SCCPDH: variants seen among roughly 807,000 people sequenced by gnomAD.
The protein encoded by SCCPDH is saccharopine dehydrogenase-like oxidoreductase.
SCCPDH carries 34 observed loss-of-function variants against 51.5 expected under a neutral mutation model. The observed-to-expected ratio is 0.66, with a 90% confidence interval of 0.50 to 0.88. The LOEUF (loss-of-function observed/expected upper bound fraction) is 0.88, where lower values mean the gene tolerates loss of function less well. Ranked by LOEUF, SCCPDH falls within the 40% of genes least tolerant of loss-of-function variation. The probability of loss-of-function intolerance (pLI) is 0.00; values close to 1 mark genes in which losing one functional copy is unlikely to be tolerated. For synonymous variants in SCCPDH, 187 were observed against 191.3 expected (o/e 0.98, Z 0.19); for missense variants, 464 against 527.1 (o/e 0.88, Z 1.17).
intron 2 of SCCPDH, among the ~76,000 whole-genome samples, chr1:246,729,986 C>T (rs912623503): frequency 2.6e-5 from 4 of 152,098 alleles, no homozygotes; most frequent in Non-Finnish European, 5.9e-5. Flanking sequence ...TCAAATTTCT[C>T]CTCTTTACTG....
chr1:246,760,158 T>C lies in SCCPDH; in HGVS notation c.934-13T>C, dbSNP rs1373997768. The C allele has an allele frequency of 6.3e-7, 1 of 1,599,772 alleles. No individual in the cohort carries two copies. Among genetic ancestry groups the C allele is most frequent in the Non-Finnish European group, 8.5e-7 (1 of 1,176,388 alleles). ...TTAAAAAAATATCACTGACGGTTTTTTTTTCCCTTTAGTTCCCATGGTTCT... is the reference window on the plus strand; with the variant it reads ...TTAAAAAAATATCACTGACGGTTTTCTTTTCCCTTTAGTTCCCATGGTTCT... On this transcript the variant is annotated splice_polypyrimidine_tract_variant and intron_variant, in intron 8 of 11. Transcript: ENST00000366510.
In SCCPDH at chr1:246,733,766, A is replaced by G. The variant is rs1274167828; in HGVS notation, c.304-2209A>G. Among the ~76,000 whole-genome samples the G allele has an allele frequency of 2.0e-5, 3 of 152,326 alleles. No individual in the cohort carries two copies. In the East Asian group the frequency reaches 5.8e-4, roughly 29 times the overall value. ...ACAAATAATATACTGTTTGTATATG[A>G]TGTTTTATAAGTAAGTGAGAAAATC... On this transcript the variant is annotated intron_variant, in intron 2 of 11. Transcript: ENST00000366510.
At chr1:246,750,201 A>G (rs370210504) in intron 5 of SCCPDH, among the ~76,000 whole-genome samples, 1 of 152,148 alleles carries the variant, frequency 6.6e-6, no homozygotes, top group East Asian at 1.9e-4. Flanking sequence ...TTTGACAAGG[A>G]CACGGTCCTC....
chr1:246,757,251 G>A (rs1668944583), intron 5 of SCCPDH, among the ~76,000 whole-genome samples: 1 of 149,912 alleles, frequency 6.7e-6, no homozygotes, highest in Non-Finnish European at 1.5e-5. Flanking sequence ...GGTTGAGACA[G>A]GAGAATTGCT....
At chr1:246,746,289 A>G (rs1023685834) in intron 5 of SCCPDH, among the ~76,000 whole-genome samples, 22 of 152,044 alleles carry the variant, frequency 1.4e-4, no homozygotes, top group Non-Finnish European at 2.2e-4. Flanking sequence ...GGGGGTACAT[A>G]ACTGGGGGCT....
chr1:246,753,168 T>C (rs947034652), intron 5 of SCCPDH, among the ~76,000 whole-genome samples: 1 of 152,100 alleles, frequency 6.6e-6, no homozygotes, highest in Non-Finnish European at 1.5e-5. Context: ...TCATCCTCTT[T>C]ATGTTGCCTG....
At chr1:246,739,088 A>C (rs1447638701) in intron 3 of SCCPDH, among the ~76,000 whole-genome samples, 1 of 151,818 alleles carries the variant, frequency 6.6e-6, no homozygotes, top group Non-Finnish European at 1.5e-5. Flanking sequence ...TATGTGCATG[A>C]ATGGGTGTGT....
intron 10 of SCCPDH, 129 bp downstream of exon 10, chr1:246,764,486 T>C (rs1249625911): frequency 2.0e-6 from 1 of 501,354 alleles, no homozygotes; most frequent in African/African-American, 2.0e-5. Flanking sequence ...ATTAAGTAAC[T>C]TAAAATTATT....
intron 2 of SCCPDH, among the ~76,000 whole-genome samples, chr1:246,728,054 G>A (rs538894478): frequency 2.0e-3 from 290 of 144,978 alleles, no homozygotes; most frequent in African/African-American, 7.0e-3. Context: ...GTGCTGAGAA[G>A]TAGTTAGGTC....
At chr1:246,751,971 C>T (rs941588369) in intron 5 of SCCPDH, among the ~76,000 whole-genome samples, 2 of 149,750 alleles carry the variant, frequency 1.3e-5, no homozygotes, top group African/African-American at 4.9e-5. Context: ...TTAGTAGAGA[C>T]GGGCTTTCAC....
intron 3 of SCCPDH, 27 bp from the exon 4 acceptor site, chr1:246,740,141 CTAAT>C: frequency 6.6e-7 from 1 of 1,523,388 alleles, no homozygotes. Flanking sequence ...TTCTGCATAA[CTAAT>C]TAAAATTCTT....
At position 246,759,028 on chromosome 1, in the gene SCCPDH, T is replaced by C; in HGVS notation, c.696-6T>C. The C allele has an allele frequency of 6.7e-7, 1 of 1,481,482 alleles. No individual in the cohort carries two copies. 91.8% of individuals were successfully genotyped at this position (1,481,482 alleles called of 1,614,324 possible). ...AATGCAAAATATTCATAGGTCTGTCTTGCAGGTGGCCAATTTCTTATTGTC... is the reference window on the plus strand; with the variant it reads ...AATGCAAAATATTCATAGGTCTGTCCTGCAGGTGGCCAATTTCTTATTGTC... On this transcript the variant is annotated splice_polypyrimidine_tract_variant and splice_region_variant and intron_variant, in intron 6 of 11. Transcript: ENST00000366510.
At chr1:246,766,649 C>T (rs992853465) in intron 11 of SCCPDH, among the ~76,000 whole-genome samples, 2 of 152,174 alleles carry the variant, frequency 1.3e-5, no homozygotes, top group Non-Finnish European at 2.9e-5. Flanking sequence ...GAGAAGTAAA[C>T]CAGGCATGAC....
Position 246,767,292 on chromosome 1 carries a change from G to A in SCCPDH, c.1282G>A (p.Glu428Lys). 1 of 1,589,378 alleles carries A rather than the reference G, an allele frequency of 6.3e-7. No individual in the cohort carries two copies. Residue 428 changes from glutamate (E) to lysine (K), a missense_variant, in exon 12 of 12, where the codon GAA (glutamate) becomes AAA (lysine). By Grantham distance (56) the Glu-to-Lys change is moderately conservative. Coordinates refer to ENST00000366510, the MANE Select transcript of SCCPDH (RefSeq NM_016002.3). ...GIEFSVISSS[E>K]V Reference sequence around the variant, plus strand: ...TGAGTTTAGTGTTATTAGCAGCTCTGAAGTCTAAACACTGGAAGAATTAAC... The same window carrying A: ...TGAGTTTAGTGTTATTAGCAGCTCTAAAGTCTAAACACTGGAAGAATTAAC...
rs145093309 is a variant in SCCPDH, at chr1:246,760,214, C to T, written c.977C>T (p.Pro326Leu). ...FSFGYFSKQG[P>L]TQKQIDAASF... is the part of the protein sequence containing the mutation. ...TTTGGCTATTTTTCAAAACAAGGCC[C>T]AACACAAAAACAGGTAATTTCTTTT... The change falls in exon 9 of 12, where the codon CCA becomes CTA. Residue 326 changes from proline to leucine, a missense_variant. Physicochemically the swap from Pro to Leu is moderately conservative, Grantham distance 98 (BLOSUM62 -3). Transcript: ENST00000366510. 1 of 1,608,206 alleles carries T rather than the reference C, an allele frequency of 6.2e-7. No homozygotes were observed. Among genetic ancestry groups the T allele is most frequent in the African/African-American group, 1.3e-5 (1 of 74,548 alleles).
chr1:246,747,413 C>A (rs747864955), intron 5 of SCCPDH, among the ~76,000 whole-genome samples: 1 of 152,126 alleles, frequency 6.6e-6, no homozygotes, highest in African/African-American at 2.4e-5. Context: ...AGGCTGGGCA[C>A]GGTGGCTCAT....
At chr1:246,759,248 G>T (rs1668977662) in intron 7 of SCCPDH, 97 bp downstream of exon 7, 3 of 719,688 alleles carry the variant, frequency 4.2e-6, no homozygotes, top group Non-Finnish European at 7.5e-6. Flanking sequence ...GAAAAAGGAA[G>T]AGCTAAGTAA....
Position 246,726,790 on chromosome 1 carries a change from G to T in SCCPDH, c.191-102G>T, listed in dbSNP as rs1410688776. The T allele has an allele frequency of 1.5e-5, 11 of 756,958 alleles. No individual in the cohort carries two copies. In the South Asian group the frequency reaches 1.7e-4, roughly 11 times the overall value. 46.9% of individuals were successfully genotyped at this position (756,958 alleles called of 1,614,324 possible). Reference sequence around the variant, plus strand: ...AGGAGAGCTAGCTTTCAGCATATCAGTGTATTTAGTAATTTGCTGTCACTG... The same window carrying T: ...AGGAGAGCTAGCTTTCAGCATATCATTGTATTTAGTAATTTGCTGTCACTG... On this transcript the variant is annotated intron_variant, in intron 1 of 11. Transcript: ENST00000366510.
At chr1:246,737,450 C>A (rs1668611252) in intron 3 of SCCPDH, among the ~76,000 whole-genome samples, 1 of 152,018 alleles carries the variant, frequency 6.6e-6, no homozygotes. Flanking sequence ...CCACTGCACT[C>A]CAGCCTGGGC....
Sources: gnomAD v4.1 joint callset for allele counts (sites outside exome capture counted in the v4.1 genomes callset) on GRCh38, gnomAD v4.1.1 for gene constraint, MANE v1.5 for transcripts, NCBI Gene and HGNC (gene_info 2026-07-23, HGNC 2026-07-21) for gene names.